Variants in LGSN observed in about 807,000 individuals in gnomAD.
The protein encoded by LGSN is lengsin.
A neutral mutation model predicts 19.5 loss-of-function variants in LGSN; 21 were observed. That is an observed-to-expected ratio of 1.07 (90% confidence interval 0.76 to 1.55). The LOEUF (loss-of-function observed/expected upper bound fraction) is 1.55, where lower values mean the gene tolerates loss of function less well. LGSN is among the 40% of genes most tolerant of loss of function. LGSN has a pLI of 0.00. For missense variants in LGSN, 673 were observed against 608.5 expected, an observed-to-expected ratio of 1.11 and a Z score of -1.12; for synonymous variants, 257 against 215.6, an observed-to-expected ratio of 1.19 and a Z score of -1.68.
the LGSN span, among the ~76,000 whole-genome samples, chr6:63,343,514 T>C: frequency 1.3e-5 from 2 of 152,180 alleles, no homozygotes; most frequent in Admixed American, 6.5e-5. Flanking sequence ...TGATCTATAG[T>C]AGAAATCTAG....
At chr6:63,563,673 G>C in the LGSN span, among the ~76,000 whole-genome samples, 9 of 152,168 alleles carry the variant, frequency 5.9e-5, no homozygotes, top group African/African-American at 1.9e-4. Flanking sequence ...AGAGTGCCTG[G>C]CATATGCTAG....
chr6:63,571,871 C>T, the LGSN span: 1 of 152,240 alleles, frequency 6.6e-6, no homozygotes, highest in African/African-American at 2.4e-5. Context: ...GAAAGCGCCC[C>T]CAGGGACAAG....
chr6:63,532,983 C>G, the LGSN span, among the ~76,000 whole-genome samples: 9 of 152,248 alleles, frequency 5.9e-5, no homozygotes, highest in East Asian at 1.5e-3. Context: ...AGGGGTTAGT[C>G]ACAGAAATAT....
chr6:63,559,840 T>A, the LGSN span, among the ~76,000 whole-genome samples: 3 of 152,142 alleles, frequency 2.0e-5, no homozygotes, highest in African/African-American at 4.8e-5. Flanking sequence ...TTGCCCAGGC[T>A]GGTTTCGAAC....
chr6:63,280,776 A>T lies in LGSN; in HGVS notation c.775T>A (p.Ser259Thr), dbSNP rs1315440501. The T allele has an allele frequency of 4.3e-6, 7 of 1,614,028 alleles. No homozygotes were observed. The highest frequency in any genetic ancestry group is 5.9e-6 in the Non-Finnish European group (7 of 1,180,034). Residue 259 changes from serine (S) to threonine (T), a missense_variant, in exon 4 of 4, where the codon TCC becomes ACC. Coordinates refer to ENST00000370657, the MANE Select transcript of LGSN (RefSeq NM_016571.3). ...TCCATCTGACCAGGCCTGGTAGAGG[A>T]GGAAAAACTCTCGACATTGGCTCCA... The part of the protein sequence containing the change: ...HTGANVESFS[S>T]STRPGQMEIS...
chr6:63,345,831 A>G, the LGSN span, among the ~76,000 whole-genome samples: 1 of 152,216 alleles, frequency 6.6e-6, no homozygotes, highest in Non-Finnish European at 1.5e-5. Context: ...GAATGGGCCA[A>G]CCAACACTCT....
the LGSN span, among the ~76,000 whole-genome samples, chr6:63,394,854 C>T: frequency 6.6e-6 from 1 of 152,216 alleles, no homozygotes; most frequent in African/African-American, 2.4e-5. Context: ...CTCAGGAAGA[C>T]TTGCAGGAGG....
Position 63,276,007 on chromosome 6 carries a change from A to G in LGSN, c.*4014T>C, listed in dbSNP as rs1272576955. 1 of 152,244 alleles carries G rather than the reference A, an allele frequency of 6.6e-6. No individual in the cohort carries two copies. Among genetic ancestry groups the G allele is most frequent in the African/African-American group, 2.4e-5 (1 of 41,468 alleles). 9.4% of individuals were successfully genotyped at this position (152,244 alleles called of 1,614,324 possible). A position where few individuals can be genotyped will look rare whatever the true frequency, so the allele number is the denominator to read the frequency against. ...TTCACATCCTAATTAGCAATTAGGA[A>G]GTATCATGTAAACCCCTAATTATAG... is the stretch of plus-strand genomic sequence containing the variant. On this transcript the variant is annotated 3_prime_UTR_variant, in exon 4 of 4. Coordinates refer to ENST00000370657, the MANE Select transcript of LGSN (RefSeq NM_016571.3).
chr6:63,503,052 G>A, the LGSN span, among the ~76,000 whole-genome samples: 3 of 151,688 alleles, frequency 2.0e-5, no homozygotes, highest in East Asian at 3.9e-4. Flanking sequence ...TAATTTTTTT[G>A]TTCAATGTTA....
intron 3 of LGSN, 84 bp from the exon 4 acceptor site, chr6:63,281,304 A>AATATGTATAT (rs1767305066): frequency 7.6e-6 from 1 of 132,216 alleles, no homozygotes; most frequent in Admixed American, 8.9e-5. Context: ...TGCTAATGAA[A>AATATGTATAT]ATATATATAT....
the LGSN span, among the ~76,000 whole-genome samples, chr6:63,569,343 C>A: frequency 6.6e-6 from 1 of 152,232 alleles, no homozygotes; most frequent in Admixed American, 6.5e-5. Context: ...GCAGCCTCTG[C>A]CTCCCAGCTT....
At chr6:63,425,130 C>T in the LGSN span, among the ~76,000 whole-genome samples, 1 of 152,030 alleles carries the variant, frequency 6.6e-6, no homozygotes, top group Admixed American at 6.6e-5. Context: ...TAAATGCCAG[C>T]AAGAATATGG....
chr6:63,455,386 A>G, the LGSN span, among the ~76,000 whole-genome samples: 1 of 152,258 alleles, frequency 6.6e-6, no homozygotes, highest in Non-Finnish European at 1.5e-5. Context: ...TGCATAGCCA[A>G]TCAATAGCTT....
chr6:63,527,438 G>A, the LGSN span, among the ~76,000 whole-genome samples: 2 of 151,950 alleles, frequency 1.3e-5, no homozygotes, highest in African/African-American at 4.8e-5. Flanking sequence ...CTATTTGATG[G>A]GTCTTTCCTT....
the LGSN span, among the ~76,000 whole-genome samples, chr6:63,499,084 A>G: frequency 6.6e-6 from 1 of 152,268 alleles, no homozygotes; most frequent in Admixed American, 6.5e-5. Flanking sequence ...TTGTGTATAC[A>G]TTGTTTATGT....
At chr6:63,285,516 A>C in intron 3 of LGSN, 71 bp downstream of exon 3, 1 of 1,175,940 alleles carries the variant, frequency 8.5e-7, no homozygotes, top group Non-Finnish European at 1.2e-6. Flanking sequence ...GAAAATAAGA[A>C]AGAGTAATAA....
At chr6:63,342,362 C>T in the LGSN span, among the ~76,000 whole-genome samples, 1 of 151,998 alleles carries the variant, frequency 6.6e-6, no homozygotes. Context: ...TATTTTTTAA[C>T]TTGAAATGTT....
the LGSN span, among the ~76,000 whole-genome samples, chr6:63,517,063 C>T: frequency 6.6e-6 from 1 of 151,758 alleles, no homozygotes; most frequent in Non-Finnish European, 1.5e-5. Flanking sequence ...AATAATACTA[C>T]CACAAAGAAA....
chr6:63,448,867 T>C, the LGSN span, among the ~76,000 whole-genome samples: 3 of 152,232 alleles, frequency 2.0e-5, no homozygotes, highest in South Asian at 6.2e-4. Flanking sequence ...ACTCAGAGGT[T>C]AAAAGTGTGT....
Sources: allele counts gnomAD v4.1 joint callset (sites outside exome capture counted in the v4.1 genomes callset), GRCh38; gene constraint gnomAD v4.1.1; transcripts MANE v1.5; gene names NCBI Gene and HGNC (gene_info 2026-07-23, HGNC 2026-07-21).